Variants in SPTLC1 observed in about 807,000 individuals in gnomAD.
SPTLC1 encodes the protein serine palmitoyltransferase long chain base subunit 1.
A neutral mutation model predicts 68.9 loss-of-function variants in SPTLC1; 55 were observed. The ratio of observed to expected loss-of-function variants is 0.80; its 90% CI spans 0.64 to 1.00. The LOEUF is 1.00. Among genes scored for constraint, SPTLC1 ranks in the 50% least tolerant of loss-of-function variants. SPTLC1 has a pLI of 0.00. For synonymous variants in SPTLC1, 197 were observed against 201.6 expected (o/e 0.98, Z 0.19); for missense variants, 449 against 573.1 (o/e 0.78, Z 2.21).
intron 12 of SPTLC1, among the ~76,000 whole-genome samples, chr9:92,039,287 T>C (rs1250356475): frequency 2.6e-5 from 4 of 152,236 alleles, no homozygotes; most frequent in African/African-American, 9.6e-5. Context: ...TTAGGATTAA[T>C]AGCACAAAAA....
In SPTLC1 at chr9:92,079,441, T is replaced by C. The variant is rs1337674881; in HGVS notation, c.427+575A>G. ...ACACTTAATAAAAACAACCATAAAA[T>C]GCCGGTCTTCTTTGATGACTCCCAG... On this transcript the variant is annotated intron_variant, in intron 5 of 14. Coordinates refer to ENST00000262554, the MANE Select transcript of SPTLC1 (RefSeq NM_006415.4). 1.6e-5 allele frequency: 25 copies of C among 1,597,136 alleles called. No individual in the cohort carries two copies. In the East Asian group the frequency reaches 4.3e-4, roughly 27 times the overall value.
At chr9:92,086,739 A>G (rs1008375648) in intron 3 of SPTLC1, among the ~76,000 whole-genome samples, 14 of 152,078 alleles carry the variant, frequency 9.2e-5, no homozygotes, top group Admixed American at 2.6e-4. Context: ...GCTCTTCTCA[A>G]GGAGTATCTT....
chr9:92,069,179 A>G (rs1318022581), intron 5 of SPTLC1, among the ~76,000 whole-genome samples: 1 of 152,226 alleles, frequency 6.6e-6, no homozygotes, highest in Admixed American at 6.5e-5. Context: ...CGGTCTGGGC[A>G]TTCCTGAGCT....
At chr9:92,079,785 A>G (rs1360958967) in intron 5 of SPTLC1, 3 of 649,738 alleles carry the variant, frequency 4.6e-6, no homozygotes, top group Admixed American at 2.4e-5. Flanking sequence ...CAATCCCCAC[A>G]CATGCACACG....
At chr9:92,098,691 T>C (rs1032369928) in intron 3 of SPTLC1, among the ~76,000 whole-genome samples, 6 of 149,164 alleles carry the variant, frequency 4.0e-5, no homozygotes, top group Non-Finnish European at 8.8e-5. Context: ...AATTTTAAGA[T>C]GTGTAGGTTT....
intron 7 of SPTLC1, among the ~76,000 whole-genome samples, chr9:92,058,574 C>T (rs1564092298): frequency 6.6e-6 from 1 of 152,200 alleles, no homozygotes; most frequent in Non-Finnish European, 1.5e-5. Flanking sequence ...CAAGGAGCTA[C>T]TTCCAAACCA....
intron 11 of SPTLC1, 39 bp downstream of exon 11, chr9:92,047,133 G>A: frequency 6.5e-7 from 1 of 1,528,868 alleles, no homozygotes; most frequent in Non-Finnish European, 9.1e-7. Flanking sequence ...AACGTAACCT[G>A]AAATCTCTTT....
intron 3 of SPTLC1, among the ~76,000 whole-genome samples, chr9:92,095,741 T>C (rs1564112957): frequency 6.6e-6 from 1 of 151,578 alleles, no homozygotes; most frequent in South Asian, 2.1e-4. Context: ...GGTGACAAAA[T>C]GTGGGAAACT....
At chr9:92,068,639 G>C (rs542376343) in intron 5 of SPTLC1, among the ~76,000 whole-genome samples, 1 of 152,268 alleles carries the variant, frequency 6.6e-6, no homozygotes, top group Admixed American at 6.5e-5. Flanking sequence ...TAAGTGTAAT[G>C]AAGAATTCAA....
chr9:92,037,995 CA>C, intron 13 of SPTLC1, among the ~76,000 whole-genome samples: 1 of 152,126 alleles, frequency 6.6e-6, no homozygotes, highest in East Asian at 1.9e-4. Context: ...CAAAGTGGTA[CA>C]AAACACAATA....
intron 3 of SPTLC1, among the ~76,000 whole-genome samples, chr9:92,098,416 T>G (rs1252825815): frequency 4.6e-5 from 7 of 152,110 alleles, no homozygotes; most frequent in African/African-American, 1.7e-4. Context: ...GAGAGCTCAG[T>G]AAAGATTTTT....
chr9:92,055,189 G>A (rs1833842869), intron 8 of SPTLC1: 1 of 977,172 alleles, frequency 1.0e-6, no homozygotes. Context: ...TCACACCACT[G>A]CACTCCAGCC....
At chr9:92,036,903 C>T (rs1362143811) in intron 13 of SPTLC1, among the ~76,000 whole-genome samples, 1 of 152,210 alleles carries the variant, frequency 6.6e-6, no homozygotes. Context: ...TTCATGTCCA[C>T]AGAGTTGTGC....
intron 3 of SPTLC1, among the ~76,000 whole-genome samples, chr9:92,093,005 T>G (rs1350569477): frequency 6.6e-6 from 1 of 152,176 alleles, no homozygotes. Flanking sequence ...TTTCAAAACC[T>G]TTTTTTAAGC....
At chr9:92,059,440 T>C (rs943036024) in intron 6 of SPTLC1, 132 bp from the exon 7 acceptor site, 33 of 931,884 alleles carry the variant, frequency 3.5e-5, no homozygotes, top group Non-Finnish European at 5.6e-5. Flanking sequence ...TAAAACATGT[T>C]TGAATATTTA....
At chr9:92,101,292 G>A (rs1448363172) in intron 3 of SPTLC1, among the ~76,000 whole-genome samples, 1 of 152,014 alleles carries the variant, frequency 6.6e-6, no homozygotes, top group Non-Finnish European at 1.5e-5. Flanking sequence ...GCCAGGCGTG[G>A]TGGCTCACAC....
chr9:92,031,369 C>T lies in SPTLC1; in HGVS notation c.*1096G>A, dbSNP rs1464623306. ...AGGTTATAAAAATCACAATTTTATT[C>T]TTCTACCTTTAACAAGAGAAGGAAT... On this transcript the variant is annotated 3_prime_UTR_variant, in exon 15 of 15. Coordinates refer to ENST00000262554, the MANE Select transcript of SPTLC1 (RefSeq NM_006415.4). 1 of 152,440 alleles carries T rather than the reference C, an allele frequency of 6.6e-6. No individual in the cohort carries two copies. Among genetic ancestry groups the T allele is most frequent in the Non-Finnish European group, 1.5e-5 (1 of 67,988 alleles). The allele number at this position is 152,440 out of a possible 1,614,324, so 9.4% of individuals were successfully genotyped here.
intron 5 of SPTLC1, among the ~76,000 whole-genome samples, chr9:92,076,583 T>G (rs1382344005): frequency 6.6e-6 from 1 of 152,198 alleles, no homozygotes; most frequent in African/African-American, 2.4e-5. Flanking sequence ...ATATAAATCT[T>G]TAACCCACCT....
At chr9:92,051,129 A>T (rs1161524047) in intron 8 of SPTLC1, 2 of 984,964 alleles carry the variant, frequency 2.0e-6, no homozygotes, top group Non-Finnish European at 2.4e-6. Flanking sequence ...AACCATTGAC[A>T]CTCTTACAAA....
Sources: allele counts gnomAD v4.1 joint callset (sites outside exome capture counted in the v4.1 genomes callset), GRCh38; gene constraint gnomAD v4.1.1; transcripts MANE v1.5; gene names NCBI Gene and HGNC (gene_info 2026-07-23, HGNC 2026-07-21).